The following SPATA13 variants were observed in gnomAD, a reference collection of about 807,000 sequenced individuals.
SPATA13 encodes spermatogenesis associated 13.
Under a neutral mutation model 104.0 loss-of-function variants are expected in SPATA13, and 50 were observed. The ratio of observed to expected loss-of-function variants is 0.48; its 90% confidence interval spans 0.38 to 0.61. SPATA13 has a LOEUF of 0.61. SPATA13 is among the 20% of genes least tolerant of loss of function. The pLI is 0.00. For missense variants in SPATA13, 1,524 were observed against 1,690.6 expected (o/e 0.90, Z 1.73); for synonymous variants, 606 against 667.5 (o/e 0.91, Z 1.42).
chr13:24,258,243 A>AC lies in SPATA13; in HGVS notation c.2164+6381_2164+6382insC, dbSNP rs1312065695. Among the ~76,000 whole-genome samples the AC allele has an allele frequency of 1.7e-3, 258 of 151,944 alleles. 2 individuals carry two copies. The highest frequency in any genetic ancestry group is 5.9e-3 in the African/African-American group (246 of 41,432). ...AGAGTGAAACTCTATCTCAAAAAAA[A>AC]AAAAATAAAAAGAACTCTGGATTCT... On this transcript the variant is annotated intron_variant, in intron 4 of 12. Transcript: ENST00000382108.
chr13:24,216,775 G>A (rs1273348523), intron 1 of SPATA13, among the ~76,000 whole-genome samples: 1 of 152,220 alleles, frequency 6.6e-6, no homozygotes, highest in African/African-American at 2.4e-5. Context: ...TTATGGCTGG[G>A]CATGGTGGCT....
chr13:23,997,842 G>A (rs1175317319), intron 2 of SPATA13, among the ~76,000 whole-genome samples: 1 of 152,038 alleles, frequency 6.6e-6, no homozygotes, highest in Non-Finnish European at 1.5e-5. Flanking sequence ...CACTCATGAG[G>A]GATCCACCCT....
chr13:24,291,048 T>C (rs1876316406), intron 9 of SPATA13, among the ~76,000 whole-genome samples, 164 bp downstream of exon 9: 1 of 152,166 alleles, frequency 6.6e-6, no homozygotes, highest in Non-Finnish European at 1.5e-5. Flanking sequence ...CAATTAACTA[T>C]TGAAATAGAG....
At chr13:24,293,620 C>A (rs2138757039) in intron 9 of SPATA13, among the ~76,000 whole-genome samples, 1 of 152,332 alleles carries the variant, frequency 6.6e-6, no homozygotes, top group South Asian at 2.1e-4. Context: ...TTTAAAAAAA[C>A]CATTACAATT....
chr13:24,296,791 T>G (rs1157290242), intron 10 of SPATA13, among the ~76,000 whole-genome samples: 1 of 152,014 alleles, frequency 6.6e-6, no homozygotes, highest in African/African-American at 2.4e-5. Flanking sequence ...ACTGTCACAT[T>G]TTTCTAGTAA....
At chr13:24,159,133 T>TGG (rs1882357854), upstream of SPATA13, among the ~76,000 whole-genome samples, 1 of 151,700 alleles carries the variant, frequency 6.6e-6, no homozygotes, top group Admixed American at 6.6e-5. Flanking sequence ...ACCGTGATAT[T>TGG]TTTTTTTAAA....
chr13:24,269,741 ATTTTTTTTT>A (rs71070673), intron 4 of SPATA13, among the ~76,000 whole-genome samples: 17 of 75,912 alleles, frequency 2.2e-4, no homozygotes, highest in Admixed American at 5.7e-4. Context: ...GCTAATATAA[ATTTTTTTTT>A]TTTTTTTTTT....
chr13:24,176,326 C>T (rs1032560865), intron 1 of SPATA13, among the ~76,000 whole-genome samples: 1 of 149,294 alleles, frequency 6.7e-6, no homozygotes, highest in Non-Finnish European at 1.5e-5. Flanking sequence ...TTTGTAAACA[C>T]CCCATTAGTT....
At chr13:24,189,366 C>A (rs111677953) in intron 1 of SPATA13, among the ~76,000 whole-genome samples, 6,499 of 150,748 alleles carry the variant, frequency 0.043, 464 homozygotes, top group African/African-American at 0.15. Flanking sequence ...GCCAGCAACT[C>A]TGGAGGCTGA....
intron 2 of SPATA13, among the ~76,000 whole-genome samples, chr13:24,012,636 G>A (rs917313851): frequency 1.3e-5 from 2 of 152,230 alleles, no homozygotes; most frequent in African/African-American, 4.8e-5. Flanking sequence ...CCTGGAGTCT[G>A]TTCCCTCCCC....
chr13:24,109,587 G>A (rs1880571076), intron 3 of SPATA13, among the ~76,000 whole-genome samples: 1 of 152,142 alleles, frequency 6.6e-6, no homozygotes, highest in Non-Finnish European at 1.5e-5. Flanking sequence ...AGAGATAGAG[G>A]CAGAGGTAGA....
At chr13:24,112,317 TTGCTACTC>T (rs60448670) in intron 3 of SPATA13, among the ~76,000 whole-genome samples, 52,497 of 151,752 alleles carry the variant, frequency 0.35, 9,535 homozygotes, top group African/African-American at 0.45. Flanking sequence ...CTGGGTCAGT[TTGCTACTC>T]TGCTCTTGTT....
At chr13:24,254,056 G>T (rs544129291) in intron 4 of SPATA13, among the ~76,000 whole-genome samples, 1 of 152,244 alleles carries the variant, frequency 6.6e-6, no homozygotes, top group South Asian at 2.1e-4. Context: ...AATGGAGATT[G>T]ATTTGAAGGC....
chr13:24,301,057 G>A (rs1877153066), intron 12 of SPATA13, among the ~76,000 whole-genome samples: 1 of 152,094 alleles, frequency 6.6e-6, no homozygotes, highest in Non-Finnish European at 1.5e-5. Flanking sequence ...TGCCCAGGCC[G>A]CATACCCAGG....
At chr13:24,146,011 G>C (rs562454235) in intron 3 of SPATA13, among the ~76,000 whole-genome samples, 2 of 152,338 alleles carry the variant, frequency 1.3e-5, no homozygotes, top group South Asian at 4.1e-4. Flanking sequence ...AGGAGTGGCA[G>C]ACACTTGGAC....
At chr13:24,299,354 G>A (rs1364863397) in intron 11 of SPATA13, among the ~76,000 whole-genome samples, 1 of 152,224 alleles carries the variant, frequency 6.6e-6, no homozygotes, top group Non-Finnish European at 1.5e-5. Flanking sequence ...GCACTCCTGA[G>A]CCAGTAAGTC....
intron 3 of SPATA13, among the ~76,000 whole-genome samples, chr13:24,059,654 T>A (rs1186199960): frequency 2.0e-5 from 3 of 152,248 alleles, no homozygotes; most frequent in Non-Finnish European, 2.9e-5. Context: ...TATAAGTGTG[T>A]CCATTTTATA....
rs77922671 is a variant in SPATA13, at chr13:24,231,371, T to C, written c.1653+6789T>C. ...CCTGTAATACGTGGTCTTTTGTGACTGGCTTCTTTCACTGAGCAAAACCTT... is the reference window on the plus strand; with the variant it reads ...CCTGTAATACGTGGTCTTTTGTGACCGGCTTCTTTCACTGAGCAAAACCTT... On this transcript the variant is annotated intron_variant, in intron 2 of 12. Coordinates refer to ENST00000382108, the MANE Select transcript of SPATA13 (RefSeq NM_001166271.3). Among the ~76,000 whole-genome samples the C allele has an allele frequency of 5.8e-3, 884 of 152,340 alleles. 9 individuals are homozygous for C. Among genetic ancestry groups the C allele is most frequent in the African/African-American group, 0.02 (852 of 41,568 alleles).
At chr13:24,007,467 T>A (rs180737692) in intron 2 of SPATA13, among the ~76,000 whole-genome samples, 2 of 152,322 alleles carry the variant, frequency 1.3e-5, no homozygotes, top group Admixed American at 1.3e-4. Flanking sequence ...TTTTTCTTTT[T>A]TCTTTAGAGG....
Sources: gnomAD v4.1 joint callset for allele counts (sites outside exome capture counted in the v4.1 genomes callset) on GRCh38, gnomAD v4.1.1 for gene constraint, MANE v1.5 for transcripts, NCBI Gene and HGNC (gene_info 2026-07-23, HGNC 2026-07-21) for gene names.